Variants in STAG1 observed in about 807,000 individuals in gnomAD.
STAG1 encodes the protein STAG1 cohesin complex component.
In STAG1, 26 loss-of-function variants were observed where a neutral mutation model predicts 170.9. The ratio of observed to expected loss-of-function variants is 0.15; its 90% CI spans 0.11 to 0.21. The LOEUF (loss-of-function observed/expected upper bound fraction) is 0.21, where lower values mean the gene tolerates loss of function less well. Among genes scored for constraint, STAG1 ranks in the 10% least tolerant of loss-of-function variants. The pLI is 1.00. For synonymous variants in STAG1, 514 were observed against 497.7 expected, an observed-to-expected ratio of 1.03 and a Z score of -0.44; for missense variants, 964 against 1,509.5, an observed-to-expected ratio of 0.64 and a Z score of 5.99.
intron 4 of STAG1, among the ~76,000 whole-genome samples, chr3:136,579,140 G>T (rs1330714404): frequency 6.6e-6 from 1 of 152,158 alleles, no homozygotes; most frequent in East Asian, 1.9e-4. Flanking sequence ...ACTTAACTAG[G>T]TGGTTACATT....
At chr3:136,419,219 AT>A (rs1448330824) in intron 20 of STAG1, among the ~76,000 whole-genome samples, 2 of 145,882 alleles carry the variant, frequency 1.4e-5, no homozygotes, top group East Asian at 3.9e-4. Flanking sequence ...TTTTAAAAAA[AT>A]AAAAGTTTGC....
intron 1 of STAG1, among the ~76,000 whole-genome samples, chr3:136,708,761 A>G (rs1943297911): frequency 6.6e-6 from 1 of 152,002 alleles, no homozygotes; most frequent in East Asian, 1.9e-4. Flanking sequence ...GCTTAGTTTC[A>G]CCCCTCCCAT....
chr3:136,595,929 C>T (rs1025919322), intron 4 of STAG1, among the ~76,000 whole-genome samples: 1 of 152,080 alleles, frequency 6.6e-6, no homozygotes, highest in African/African-American at 2.4e-5. Context: ...AATGTAGTTT[C>T]TCTCAGCTCC....
intron 5 of STAG1, among the ~76,000 whole-genome samples, chr3:136,556,623 C>A (rs530762566): frequency 6.6e-6 from 1 of 151,956 alleles, no homozygotes; most frequent in East Asian, 1.9e-4. Context: ...CACTCTGTCA[C>A]TCAGGCAGGA....
chr3:136,496,018 C>T (rs1933066428), intron 9 of STAG1, among the ~76,000 whole-genome samples: 1 of 150,816 alleles, frequency 6.6e-6, no homozygotes, highest in Admixed American at 6.6e-5. Context: ...GTGGTGCATG[C>T]CTGTAATCCC....
At position 136,551,252 on chromosome 3, in the gene STAG1, AGAGAGAGAGG is replaced by A. The variant is rs1209927937; in HGVS notation, c.395-9067_395-9058del. Reference sequence around the variant, plus strand: ...GAGAGAGAGAGAGAGAGAGAGAGAGAGAGAGAGAGGGAGAGCGAGAGAGCGTGCTCTGTTG... The same window carrying A: ...GAGAGAGAGAGAGAGAGAGAGAGAGAGAGAGCGAGAGAGCGTGCTCTGTTG... On this transcript the variant is annotated intron_variant, in intron 5 of 33. Coordinates refer to ENST00000383202, the MANE Select transcript of STAG1 (RefSeq NM_005862.3). Among the ~76,000 whole-genome samples the A allele has an allele frequency of 3.6e-3, 508 of 140,780 alleles. 8 individuals are homozygous for A. The highest frequency in any genetic ancestry group is 0.012 in the African/African-American group (425 of 36,956). 92.4% of individuals were successfully genotyped at this position (140,780 alleles called of 152,430 possible).
rs113363507 is a variant in STAG1 at position 136,744,480 on chromosome 3, G to A, written c.-84+7715C>T. ...TTACACTGCTGACAAAAGTGAGAAT[G>A]TAATTTCTCTACATTCTCACCAATA... is the stretch of plus-strand genomic sequence containing the variant. On this transcript the variant is annotated intron_variant, in intron 1 of 33. Transcript: ENST00000383202. Among the ~76,000 whole-genome samples, 34 of 152,242 alleles carry A rather than the reference G, an allele frequency of 2.2e-4. 1 individual carries two copies. Among genetic ancestry groups the A allele is most frequent in the African/African-American group, 7.9e-4 (33 of 41,540 alleles).
chr3:136,421,638 TGAGA>T (rs1258821721), intron 19 of STAG1, among the ~76,000 whole-genome samples: 1 of 151,970 alleles, frequency 6.6e-6, no homozygotes, highest in East Asian at 1.9e-4. Context: ...TATAGATTGA[TGAGA>T]GAGAGGGAAA....
intron 4 of STAG1, among the ~76,000 whole-genome samples, chr3:136,601,371 T>C (rs1202497655): frequency 1.3e-5 from 2 of 152,080 alleles, no homozygotes; most frequent in South Asian, 2.1e-4. Context: ...AAAATATTAA[T>C]AATTAAAATT....
intron 21 of STAG1, among the ~76,000 whole-genome samples, chr3:136,409,242 T>TGACA (rs888272584): frequency 1.3e-5 from 2 of 152,010 alleles, no homozygotes; most frequent in Non-Finnish European, 2.9e-5. Flanking sequence ...CCAGCCTGGG[T>TGACA]GACAGCACAA....
At chr3:136,732,392 TAAAG>T (rs1159395242) in intron 1 of STAG1, among the ~76,000 whole-genome samples, 1 of 152,052 alleles carries the variant, frequency 6.6e-6, no homozygotes, top group Non-Finnish European at 1.5e-5. Context: ...TGCAGAATAA[TAAAG>T]AAAAAGCTAA....
At chr3:136,565,669 C>A (rs1159479221) in intron 5 of STAG1, among the ~76,000 whole-genome samples, 16 of 152,308 alleles carry the variant, frequency 1.1e-4, no homozygotes, top group Non-Finnish European at 7.4e-5. Flanking sequence ...AGCAATTCTA[C>A]TCCTAAGAAT....
At chr3:136,567,829 A>G (rs1180601193) in intron 5 of STAG1, among the ~76,000 whole-genome samples, 1 of 152,242 alleles carries the variant, frequency 6.6e-6, no homozygotes, top group Non-Finnish European at 1.5e-5. Flanking sequence ...GCCACATACT[A>G]AACAGTCATT....
At chr3:136,696,264 G>A (rs1942888074) in intron 1 of STAG1, among the ~76,000 whole-genome samples, 1 of 151,044 alleles carries the variant, frequency 6.6e-6, no homozygotes, top group African/African-American at 2.5e-5. Context: ...GTTTATACAA[G>A]GTCATTTTGG....
At chr3:136,715,527 G>A (rs1943518012) in intron 1 of STAG1, among the ~76,000 whole-genome samples, 1 of 152,040 alleles carries the variant, frequency 6.6e-6, no homozygotes. Context: ...GGCTGAGGCA[G>A]GAGAATTTCT....
rs1403061227 is a variant in STAG1 at position 136,664,394 on chromosome 3, A to C, written c.-83-33413T>G. On this transcript the variant is annotated intron_variant, in intron 1 of 33. Coordinates refer to ENST00000383202, the MANE Select transcript of STAG1 (RefSeq NM_005862.3). ...AAGAGCTCTTGAGGTAGATGTTGAG[A>C]CCTAAAAGTAAACAAGGGCAGCTCT... is the stretch of plus-strand genomic sequence containing the variant. 2.6e-5 allele frequency among the ~76,000 whole-genome samples: 4 copies of C among 152,160 alleles called. No homozygotes were observed. The East Asian group carries it at 7.7e-4, about 29-fold the overall frequency.
intron 12 of STAG1, among the ~76,000 whole-genome samples, chr3:136,469,539 C>T (rs1411069122): frequency 6.6e-6 from 1 of 152,162 alleles, no homozygotes; most frequent in African/African-American, 2.4e-5. Flanking sequence ...TAATCAATAT[C>T]GTGAAAATGG....
At chr3:136,683,079 C>G (rs1942394898) in intron 1 of STAG1, among the ~76,000 whole-genome samples, 1 of 152,044 alleles carries the variant, frequency 6.6e-6, no homozygotes, top group South Asian at 2.1e-4. Flanking sequence ...TTCAGAGAGA[C>G]AGAAAACAGA....
chr3:136,656,188 G>A lies in STAG1; in HGVS notation c.-83-25207C>T, dbSNP rs1243812464. On this transcript the variant is annotated intron_variant, in intron 1 of 33. Coordinates refer to ENST00000383202, the MANE Select transcript of STAG1 (RefSeq NM_005862.3). ...ATAAAAAAAAAAAACACCAAATACT[G>A]TATGATTCCAATTACATAAGATACT... Among the ~76,000 whole-genome samples the A allele has an allele frequency of 2.6e-5, 4 of 151,820 alleles. No individual in the cohort carries two copies. The East Asian group carries it at 7.7e-4, about 29-fold the overall frequency.
Sources: gnomAD v4.1 joint callset for allele counts (sites outside exome capture counted in the v4.1 genomes callset) on GRCh38, gnomAD v4.1.1 for gene constraint, MANE v1.5 for transcripts, NCBI Gene and HGNC (gene_info 2026-07-23, HGNC 2026-07-21) for gene names.